The following ACSF3 variants were observed in gnomAD, a reference collection of about 807,000 sequenced individuals.
ACSF3 encodes the protein acyl-CoA synthetase family member 3, also known as malonate--CoA ligase ACSF3, mitochondrial.
In ACSF3, 78 loss-of-function variants were observed where a neutral mutation model predicts 53.2. That is an observed-to-expected ratio of 1.47 (90% CI 1.22 to 1.77). The LOEUF is 1.77. Among genes scored for constraint, ACSF3 ranks in the 40% most tolerant of loss-of-function variants. The probability of loss-of-function intolerance (pLI) is 0.00; values close to 1 mark genes in which losing one functional copy is unlikely to be tolerated. For synonymous variants in ACSF3, 414 were observed against 333.1 expected (o/e 1.24, Z -2.65); for missense variants, 937 against 771.1 (o/e 1.22, Z -2.55).
Position 89,100,954 on chromosome 16 carries a change from G to T in ACSF3, c.273G>T (p.Gly91=). The T allele has an allele frequency of 1.2e-6, 2 of 1,613,634 alleles. No homozygotes were observed. The highest frequency in any genetic ancestry group is 1.7e-6 in the Non-Finnish European group (2 of 1,179,988). ...EICRLCGCVG[G]DLREERVSFL... The stretch of plus-strand genomic sequence containing the variant: ...GCAGGCTCTGCGGGTGTGTCGGCGG[G>T]GACCTCCGGGAGGAGAGGGTCTCCT... Residue 91 remains glycine (G), a synonymous_variant, in exon 3 of 11, where the codon GGG becomes GGT. Coordinates refer to ENST00000614302, the MANE Select transcript of ACSF3 (RefSeq NM_001243279.3).
intron 6 of ACSF3, chr16:89,114,701 G>T (rs745681059): frequency 1.0e-5 from 7 of 690,056 alleles, no homozygotes; most frequent in Non-Finnish European, 1.8e-5. Flanking sequence ...TCGGGTGGAT[G>T]GGGGAGGTGT....
At chr16:89,131,354 G>A (rs893017428) in intron 7 of ACSF3, among the ~76,000 whole-genome samples, 11 of 151,800 alleles carry the variant, frequency 7.2e-5, no homozygotes, top group Admixed American at 1.3e-4. Context: ...TCAAACACCC[G>A]AGCTCAAGCA....
In ACSF3 at chr16:89,096,841, G is replaced by A. The variant is rs80131676; in HGVS notation, c.-193-1750G>A. ...TGCCCGTGGCCTCTCCTCATAGCGC[G>A]TGGGCTCTCTGGGAGCTGGGACCAT... On this transcript the variant is annotated intron_variant, in intron 1 of 10. Transcript: ENST00000614302. Among the ~76,000 whole-genome samples, 120 of 152,296 alleles carry A rather than the reference G, an allele frequency of 7.9e-4. No individual in the cohort carries two copies. The East Asian group carries it at 0.011, about 14-fold the overall frequency.
chr16:89,106,220 C>T (rs1190527679), intron 4 of ACSF3, among the ~76,000 whole-genome samples: 1 of 152,186 alleles, frequency 6.6e-6, no homozygotes, highest in Non-Finnish European at 1.5e-5. Context: ...CTTCAACGGA[C>T]ACGGGAAAGC....
At chr16:89,147,002 C>T (rs769740437) in intron 10 of ACSF3, among the ~76,000 whole-genome samples, 18 of 151,840 alleles carry the variant, frequency 1.2e-4, no homozygotes, top group South Asian at 4.2e-4. Flanking sequence ...TATAAAGAAA[C>T]GGGGTATAAT....
intron 8 of ACSF3, among the ~76,000 whole-genome samples, chr16:89,144,824 C>T (rs566832528): frequency 5.9e-5 from 9 of 152,344 alleles, no homozygotes; most frequent in African/African-American, 1.9e-4. Context: ...GAAAAGGCCA[C>T]GCATCCCACC....
chr16:89,120,401 C>T (rs905837610), intron 6 of ACSF3, among the ~76,000 whole-genome samples: 3 of 152,224 alleles, frequency 2.0e-5, no homozygotes, highest in Non-Finnish European at 4.4e-5. Context: ...CAGGGCAAGG[C>T]GCCAGCCCTC....
intron 8 of ACSF3, chr16:89,141,032 A>G (rs1567738835): frequency 1.6e-6 from 2 of 1,246,496 alleles, no homozygotes; most frequent in East Asian, 5.7e-5. Context: ...ATGGAAAGTA[A>G]AGGTTATTTA....
intron 5 of ACSF3, 178 bp from the exon 6 acceptor site, chr16:89,114,161 A>G: frequency 1.3e-6 from 1 of 760,420 alleles, no homozygotes; most frequent in Non-Finnish European, 2.2e-6. Flanking sequence ...CGCAGACTGC[A>G]GCGTTGGTCC....
intron 7 of ACSF3, among the ~76,000 whole-genome samples, chr16:89,125,821 C>G (rs936816444): frequency 6.6e-6 from 1 of 152,232 alleles, no homozygotes; most frequent in Non-Finnish European, 1.5e-5. Flanking sequence ...TATGTCTCTC[C>G]ATTTACTTAG....
chr16:89,130,249 T>C (rs887399596), intron 7 of ACSF3, among the ~76,000 whole-genome samples: 2 of 152,204 alleles, frequency 1.3e-5, no homozygotes, highest in African/African-American at 4.8e-5. Flanking sequence ...AATTCTGGGT[T>C]GACAACTATT....
At chr16:89,111,242 C>G (rs995934448) in intron 4 of ACSF3, among the ~76,000 whole-genome samples, 4 of 152,252 alleles carry the variant, frequency 2.6e-5, no homozygotes, top group Non-Finnish European at 5.9e-5. Flanking sequence ...GGGTTCCAGT[C>G]TTTGTCTTTG....
chr16:89,154,277 G>C lies in ACSF3; in HGVS notation c.*70G>C. 6.9e-7 allele frequency: 1 copy of C among 1,447,864 alleles called. No homozygotes were observed. The highest frequency in any genetic ancestry group is 9.6e-7 in the Non-Finnish European group (1 of 1,042,538). The allele number at this position is 1,447,864 out of a possible 1,614,324, so 89.7% of individuals were successfully genotyped here. A position where few individuals can be genotyped will look rare whatever the true frequency, so the allele number is the denominator to read the frequency against. On this transcript the variant is annotated 3_prime_UTR_variant, in exon 11 of 11. Coordinates refer to ENST00000614302, the MANE Select transcript of ACSF3 (RefSeq NM_001243279.3). ...CCCCTTCACACCGAGAACCACGGGG[G>C]CCCGTCCAAGACCTGGCCTCCCTTA...
At chr16:89,114,806 G>A in intron 6 of ACSF3, 1 of 417,188 alleles carries the variant, frequency 2.4e-6, no homozygotes, top group Non-Finnish European at 4.6e-6. Flanking sequence ...AGGAAGGCGG[G>A]GGGCCATGCT....
intron 10 of ACSF3, chr16:89,148,043 G>A (rs1410168829): frequency 6.6e-6 from 1 of 151,942 alleles, no homozygotes; most frequent in Non-Finnish European, 1.5e-5. Flanking sequence ...CGAGCCCCAG[G>A]CAGGTCCAAA....
At chr16:89,130,248 T>C (rs1404133610) in intron 7 of ACSF3, among the ~76,000 whole-genome samples, 1 of 152,206 alleles carries the variant, frequency 6.6e-6, no homozygotes, top group Non-Finnish European at 1.5e-5. Context: ...GAATTCTGGG[T>C]TGACAACTAT....
chr16:89,124,548 T>C (rs1907548415), intron 7 of ACSF3, among the ~76,000 whole-genome samples: 1 of 81,788 alleles, frequency 1.2e-5, no homozygotes, highest in Non-Finnish European at 3.3e-5. Context: ...ATCTGCTCAC[T>C]GTATGTATGT....
At chr16:89,131,127 CTTT>C (rs558773398) in intron 7 of ACSF3, among the ~76,000 whole-genome samples, 7,877 of 67,580 alleles carry the variant, frequency 0.12, 47 homozygotes, top group African/African-American at 0.16. Flanking sequence ...TTTTCTTTTT[CTTT>C]TTTTTTTTTT....
intron 10 of ACSF3, 49 bp downstream of exon 10, chr16:89,146,098 C>G: frequency 7.0e-7 from 1 of 1,437,482 alleles, no homozygotes; most frequent in Non-Finnish European, 9.7e-7. Flanking sequence ...TCTTGGGGGT[C>G]CAGTCTTGAG....
Sources: gnomAD v4.1 joint callset for allele counts (sites outside exome capture counted in the v4.1 genomes callset) on GRCh38, gnomAD v4.1.1 for gene constraint, MANE v1.5 for transcripts, NCBI Gene and HGNC (gene_info 2026-07-23, HGNC 2026-07-21) for gene names.